CNTNAP2: variants seen among roughly 807,000 people sequenced by gnomAD.
CNTNAP2 encodes the protein contactin-associated protein-like 2.
In CNTNAP2, 98 loss-of-function variants were observed where a neutral mutation model predicts 155.2. The observed-to-expected ratio is 0.63, with a 90% CI of 0.54 to 0.75. CNTNAP2 has a LOEUF of 0.75. Ranked by LOEUF, CNTNAP2 falls within the 30% of genes least tolerant of loss-of-function variation. The pLI is 0.00. For missense variants in CNTNAP2, 1,727 were observed against 1,688.1 expected (o/e 1.02, Z -0.40); for synonymous variants, 651 against 631.2 (o/e 1.03, Z -0.47).
intron 1 of CNTNAP2, among the ~76,000 whole-genome samples, chr7:146,469,980 C>T (rs1796772471): frequency 6.6e-6 from 1 of 151,856 alleles, no homozygotes. Context: ...GCTGGGACTA[C>T]AGGTGCCCAC....
At chr7:147,634,158 T>C (rs1271073776) in intron 12 of CNTNAP2, among the ~76,000 whole-genome samples, 1 of 152,152 alleles carries the variant, frequency 6.6e-6, no homozygotes, top group African/African-American at 2.4e-5. Flanking sequence ...TGCACACACA[T>C]TTTTACAGCA....
chr7:147,243,512 C>T (rs905457902), intron 8 of CNTNAP2, among the ~76,000 whole-genome samples: 1 of 152,036 alleles, frequency 6.6e-6, no homozygotes, highest in African/African-American at 2.4e-5. Context: ...TTTTAGGTCA[C>T]ACAGCTTTTT....
intron 3 of CNTNAP2, among the ~76,000 whole-genome samples, chr7:147,021,335 A>G (rs989604461): frequency 1.3e-5 from 2 of 152,194 alleles, no homozygotes; most frequent in Non-Finnish European, 2.9e-5. Context: ...CACTCTCAGC[A>G]TCCCACATAC....
At chr7:147,609,277 A>G (rs949818209) in intron 12 of CNTNAP2, among the ~76,000 whole-genome samples, 2 of 152,172 alleles carry the variant, frequency 1.3e-5, no homozygotes, top group African/African-American at 4.8e-5. Flanking sequence ...CACGCCTGTA[A>G]TCCCAGCACT....
intron 9 of CNTNAP2, among the ~76,000 whole-genome samples, chr7:147,327,105 AAAGCTGATATG>A (rs1795475311): frequency 6.6e-6 from 1 of 151,418 alleles, no homozygotes; most frequent in African/African-American, 2.4e-5. Flanking sequence ...ATAAAACCCC[AAAGCTGATATG>A]AAGGGGCTTG....
intron 1 of CNTNAP2, among the ~76,000 whole-genome samples, chr7:146,258,857 T>C (rs774185977): frequency 6.6e-6 from 1 of 152,232 alleles, no homozygotes; most frequent in Non-Finnish European, 1.5e-5. Flanking sequence ...ATGTATGTGC[T>C]GAAAAATTAC....
At chr7:147,141,172 C>G (rs1420722146) in intron 8 of CNTNAP2, among the ~76,000 whole-genome samples, 1 of 152,062 alleles carries the variant, frequency 6.6e-6, no homozygotes, top group Non-Finnish European at 1.5e-5. Context: ...GAGTTCAAAA[C>G]TTTGAGAAAA....
chr7:148,065,268 G>A (rs1803234543), intron 15 of CNTNAP2, among the ~76,000 whole-genome samples: 2 of 152,158 alleles, frequency 1.3e-5, no homozygotes, highest in Admixed American at 1.3e-4. Flanking sequence ...CTATTCTGTG[G>A]TTGTTGGGTG....
intron 15 of CNTNAP2, among the ~76,000 whole-genome samples, chr7:148,098,816 G>A (rs1011171554): frequency 6.6e-6 from 1 of 152,124 alleles, no homozygotes; most frequent in Non-Finnish European, 1.5e-5. Flanking sequence ...CCTTAGATCA[G>A]GCTTTCTGAA....
At chr7:147,765,734 T>C (rs1797372902) in intron 13 of CNTNAP2, among the ~76,000 whole-genome samples, 1 of 152,198 alleles carries the variant, frequency 6.6e-6, no homozygotes, top group Non-Finnish European at 1.5e-5. Context: ...TTCAGGTGTT[T>C]ACCCAAAAGA....
At chr7:147,853,383 G>T (rs1798984098) in intron 13 of CNTNAP2, among the ~76,000 whole-genome samples, 1 of 152,286 alleles carries the variant, frequency 6.6e-6, no homozygotes, top group Middle Eastern at 3.4e-3. Flanking sequence ...CAACCCATTT[G>T]TACATTAGTA....
intron 2 of CNTNAP2, among the ~76,000 whole-genome samples, chr7:146,783,611 T>A (rs1483062079): frequency 6.6e-6 from 1 of 152,230 alleles, no homozygotes; most frequent in Non-Finnish European, 1.5e-5. Flanking sequence ...TAAAATAGTA[T>A]TGTTATTTTT....
At chr7:147,658,960 T>C (rs1156821350) in intron 13 of CNTNAP2, among the ~76,000 whole-genome samples, 5 of 152,198 alleles carry the variant, frequency 3.3e-5, no homozygotes, top group Non-Finnish European at 7.3e-5. Flanking sequence ...GGCACAATCT[T>C]ATTTTTGGAA....
chr7:147,499,934 G>T (rs2116665771), intron 11 of CNTNAP2, among the ~76,000 whole-genome samples: 1 of 152,208 alleles, frequency 6.6e-6, no homozygotes, highest in Non-Finnish European at 1.5e-5. Context: ...TGACCCTGAA[G>T]ATAATATAAA....
intron 8 of CNTNAP2, among the ~76,000 whole-genome samples, chr7:147,183,703 A>T (rs1465600142): frequency 3.3e-5 from 5 of 152,112 alleles, no homozygotes; most frequent in African/African-American, 1.2e-4. Flanking sequence ...CGGGCTTGGG[A>T]TTGGTCACAG....
Position 148,415,771 on chromosome 7 carries a change from G to T in CNTNAP2, c.*155G>T. The stretch of plus-strand genomic sequence containing the variant: ...ATGGAATATAATGGAATATTCTTGA[G>T]ACTGATCACAAAAAAAAAAACCTTT... On this transcript the variant is annotated 3_prime_UTR_variant, in exon 24 of 24. Coordinates refer to ENST00000361727, the MANE Select transcript of CNTNAP2 (RefSeq NM_014141.6). The T allele has an allele frequency of 1.3e-6, 1 of 759,804 alleles. No homozygotes were observed. The highest frequency in any genetic ancestry group is 2.1e-6 in the Non-Finnish European group (1 of 482,070). 47.1% of individuals were successfully genotyped at this position (759,804 alleles called of 1,614,324 possible).
At chr7:146,759,052 A>G (rs1443685541) in intron 1 of CNTNAP2, among the ~76,000 whole-genome samples, 2 of 152,164 alleles carry the variant, frequency 1.3e-5, no homozygotes, top group Non-Finnish European at 2.9e-5. Flanking sequence ...TGTTGAAATG[A>G]CTTACTTTTT....
rs1177437377 is a variant in CNTNAP2 at position 147,764,233 on chromosome 7, T to G, written c.2098+124927T>G. On this transcript the variant is annotated intron_variant, in intron 13 of 23. Coordinates refer to ENST00000361727, the MANE Select transcript of CNTNAP2 (RefSeq NM_014141.6). ...AGCCACCAGAGCCCAGCCTCTACAG[T>G]GTAGAGTCCCTCCATCTAGGAGGGT... Among the ~76,000 whole-genome samples the G allele has an allele frequency of 3.9e-5, 6 of 152,168 alleles. No homozygotes were observed. The South Asian group carries it at 6.2e-4, about 16-fold the overall frequency.
intron 15 of CNTNAP2, among the ~76,000 whole-genome samples, chr7:147,994,887 A>C (rs958752604): frequency 6.6e-6 from 1 of 152,168 alleles, no homozygotes. Context: ...GCAGCCTTGG[A>C]ACTCGTTCCT....
Sources: allele counts gnomAD v4.1 joint callset (sites outside exome capture counted in the v4.1 genomes callset), GRCh38; gene constraint gnomAD v4.1.1; transcripts MANE v1.5; gene names NCBI Gene and HGNC (gene_info 2026-07-23, HGNC 2026-07-21).